ZMYM4: variants seen among roughly 807,000 people sequenced by gnomAD.
ZMYM4 encodes zinc finger MYM-type protein 4.
In ZMYM4, 31 loss-of-function variants were observed where a neutral mutation model predicts 183.2. That is an observed-to-expected ratio of 0.17 (90% CI 0.13 to 0.23). ZMYM4 has a LOEUF of 0.23. Ranked by LOEUF, ZMYM4 falls within the 10% of genes least tolerant of loss-of-function variation. The pLI, the probability that ZMYM4 is intolerant of heterozygous loss-of-function variation, is 1.00. For synonymous variants in ZMYM4, 592 were observed against 631.2 expected (o/e 0.94, Z 0.93); for missense variants, 1,273 against 1,840.3 (o/e 0.69, Z 5.64).
chr1:35,315,800 C>T (rs1642018742), intron 1 of ZMYM4, among the ~76,000 whole-genome samples: 2 of 151,980 alleles, frequency 1.3e-5, no homozygotes, highest in Admixed American at 1.3e-4. Context: ...ACTGGATGTA[C>T]CTGTAGTCCC....
In ZMYM4 at chr1:35,387,039, G is replaced by A; in HGVS notation, c.1873G>A (p.Val625Ile). 6.2e-7 allele frequency: 1 copy of A among 1,614,152 alleles called. No homozygotes were observed. The highest frequency in any genetic ancestry group is 2.2e-5 in the East Asian group (1 of 44,884). ...CAAACCAACTGGAATGAATTCTTCA[G>A]TAGTGCCCTTGTCTCAGGGCCAAGT... ...FNKPTGMNSS[V>I]VPLSQGQVIV... The change falls in exon 12 of 30, where the codon GTA (valine) becomes ATA (isoleucine). Residue 625 changes from valine (V) to isoleucine (I), a missense_variant. By Grantham distance (29) the Val-to-Ile change is conservative. Around this residue, in one of 6 missense-constraint regions of ZMYM4, gnomAD observed 319 missense variants for 518.1 expected, o/e 0.62. Transcript: ENST00000314607.
intron 13 of ZMYM4, among the ~76,000 whole-genome samples, chr1:35,387,962 C>T (rs989412056): frequency 6.6e-6 from 1 of 152,088 alleles, no homozygotes; most frequent in Non-Finnish European, 1.5e-5. Flanking sequence ...TAAGTTTATA[C>T]TTTTATTGTC....
At position 35,268,930 on chromosome 1, in the gene ZMYM4, G is replaced by T; in HGVS notation, c.-117G>T. On this transcript the variant is annotated 5_prime_UTR_variant, in exon 1 of 30. Coordinates refer to ENST00000314607, the MANE Select transcript of ZMYM4 (RefSeq NM_005095.3). ...CCCACTCTCGGCGCAAGGCCCGGCC[G>T]GGTCCGGGGAAGCTGCCGCGAGGCG... 8.4e-7 allele frequency: 1 copy of T among 1,195,694 alleles called. No individual in the cohort carries two copies. Among genetic ancestry groups the T allele is most frequent in the Non-Finnish European group, 1.1e-6 (1 of 932,186 alleles). 74.1% of individuals were successfully genotyped at this position (1,195,694 alleles called of 1,614,324 possible).
At chr1:35,301,010 A>G (rs534628017) in intron 1 of ZMYM4, among the ~76,000 whole-genome samples, 83 of 152,118 alleles carry the variant, frequency 5.5e-4, no homozygotes, top group Non-Finnish European at 1.0e-3. Flanking sequence ...AATTCCCTTA[A>G]CTATTCTCAA....
At chr1:35,326,454 T>C (rs1245415310) in intron 2 of ZMYM4, among the ~76,000 whole-genome samples, 1 of 152,218 alleles carries the variant, frequency 6.6e-6, no homozygotes, top group Non-Finnish European at 1.5e-5. Context: ...ACCATGCAGT[T>C]CAGAAACAAA....
At chr1:35,325,291 G>A in intron 1 of ZMYM4, 69 bp from the exon 2 acceptor site, 3 of 1,420,326 alleles carry the variant, frequency 2.1e-6, no homozygotes, top group South Asian at 1.3e-5. Flanking sequence ...GGAATAGGGA[G>A]GGATACCAAA....
chr1:35,340,629 C>T (rs1011720792), intron 2 of ZMYM4, among the ~76,000 whole-genome samples: 2 of 151,988 alleles, frequency 1.3e-5, no homozygotes, highest in African/African-American at 2.4e-5. Context: ...ATAGGGTTTG[C>T]GCTCCTATGA....
At chr1:35,309,128 C>A in intron 1 of ZMYM4, 1 of 780,028 alleles carries the variant, frequency 1.3e-6, no homozygotes, top group Non-Finnish European at 1.6e-6. Context: ...CTCATTGAAT[C>A]TGAGAAATGA....
chr1:35,319,327 T>TA (rs1164657165), intron 1 of ZMYM4, among the ~76,000 whole-genome samples: 6 of 152,154 alleles, frequency 3.9e-5, no homozygotes, highest in Non-Finnish European at 8.8e-5. Context: ...GCTGCCTGTA[T>TA]AAAAAATATA....
At chr1:35,275,009 A>G (rs1448438299) in intron 1 of ZMYM4, among the ~76,000 whole-genome samples, 1 of 152,180 alleles carries the variant, frequency 6.6e-6, no homozygotes, top group Non-Finnish European at 1.5e-5. Flanking sequence ...TCTGGAATGT[A>G]TGGATGTTAG....
chr1:35,278,344 CTT>C (rs1557893652), intron 1 of ZMYM4, among the ~76,000 whole-genome samples: 1 of 151,868 alleles, frequency 6.6e-6, no homozygotes, highest in Non-Finnish European at 1.5e-5. Flanking sequence ...ACCCCTAAAA[CTT>C]CATTTACATC....
chr1:35,331,171 G>T (rs958630575), intron 2 of ZMYM4, among the ~76,000 whole-genome samples: 1 of 151,936 alleles, frequency 6.6e-6, no homozygotes, highest in Non-Finnish European at 1.5e-5. Flanking sequence ...GTATTATTTG[G>T]ATCCTTCAAA....
intron 5 of ZMYM4, among the ~76,000 whole-genome samples, chr1:35,364,029 T>G (rs923362941): frequency 5.9e-5 from 9 of 152,238 alleles, no homozygotes; most frequent in African/African-American, 2.2e-4. Context: ...TTAGTATTGT[T>G]GTTTTCAGAA....
At chr1:35,365,469 A>G (rs1644052768) in intron 5 of ZMYM4, among the ~76,000 whole-genome samples, 2 of 152,040 alleles carry the variant, frequency 1.3e-5, no homozygotes, top group Non-Finnish European at 2.9e-5. Context: ...AGGACGAGCT[A>G]ATGTGTAGTC....
intron 7 of ZMYM4, among the ~76,000 whole-genome samples, chr1:35,380,527 C>T (rs547417567): frequency 2.6e-5 from 4 of 152,050 alleles, no homozygotes; most frequent in Non-Finnish European, 5.9e-5. Flanking sequence ...GGGGTTTCAC[C>T]GTGTTAGCCA....
rs562564084 is a variant in ZMYM4 at position 35,332,402 on chromosome 1, T to A, written c.85+6997T>A. 2.4e-3 allele frequency among the ~76,000 whole-genome samples: 357 copies of A among 150,850 alleles called. 1 individual carries two copies. Among genetic ancestry groups the A allele is most frequent in the African/African-American group, 8.5e-3 (350 of 41,024 alleles). ...GTGTTCAGAAAGGGTATACTGGGGA[T>A]GTTTTTTTTTTTTTTTTTTCTCTCC... On this transcript the variant is annotated intron_variant, in intron 2 of 29. Transcript: ENST00000314607.
intron 1 of ZMYM4, among the ~76,000 whole-genome samples, chr1:35,294,170 A>C (rs373904570): frequency 6.6e-6 from 1 of 151,978 alleles, no homozygotes; most frequent in Non-Finnish European, 1.5e-5. Flanking sequence ...GTTTGTTCCA[A>C]TTATTCTTTC....
intron 7 of ZMYM4, among the ~76,000 whole-genome samples, chr1:35,375,780 A>T (rs906487945): frequency 2.6e-5 from 4 of 152,198 alleles, no homozygotes; most frequent in Non-Finnish European, 5.9e-5. Context: ...AATTTGTTTT[A>T]AAAAATTTGT....
At chr1:35,381,506 T>G (rs369485944) in intron 8 of ZMYM4, 40 bp from the exon 9 acceptor site, 108 of 1,613,286 alleles carry the variant, frequency 6.7e-5, no homozygotes, top group Non-Finnish European at 8.9e-5. Flanking sequence ...TTTGATGCTC[T>G]CTGCTCCTTG....
Sources: allele counts gnomAD v4.1 joint callset (sites outside exome capture counted in the v4.1 genomes callset), GRCh38; gene constraint gnomAD v4.1.1; regional missense constraint gnomAD v4.1.1; transcripts MANE v1.5; gene names NCBI Gene and HGNC (gene_info 2026-07-23, HGNC 2026-07-21).